Variants in HMGCLL1 observed in about 807,000 individuals in gnomAD.
HMGCLL1 encodes the protein 3-hydroxymethyl-3-methylglutaryl-CoA lyase, cytoplasmic.
HMGCLL1 carries 36 observed loss-of-function variants against 39.1 expected under a neutral mutation model. The ratio of observed to expected loss-of-function variants is 0.92; its 90% confidence interval spans 0.71 to 1.22. The LOEUF (loss-of-function observed/expected upper bound fraction) is 1.22, where lower values mean the gene tolerates loss of function less well. Ranked by LOEUF, HMGCLL1 falls within the 50% of genes most tolerant of loss-of-function variation. HMGCLL1 has a pLI of 0.00. For synonymous variants in HMGCLL1, 149 were observed against 144.0 expected (o/e 1.03, Z -0.25); for missense variants, 451 against 416.5 (o/e 1.08, Z -0.72).
At chr6:55,441,082 GGAGA>G (rs74271456) in intron 7 of HMGCLL1, among the ~76,000 whole-genome samples, 34,671 of 151,928 alleles carry the variant, frequency 0.23, 4,647 homozygotes, top group Middle Eastern at 0.33. Flanking sequence ...ATGCAATGCA[GGAGA>G]GAGAGACTGT....
intron 1 of HMGCLL1, chr6:55,566,716 T>C (rs1294350841): frequency 1.8e-5 from 8 of 448,906 alleles, no homozygotes; most frequent in Middle Eastern, 3.3e-4. Flanking sequence ...AAATGAAAAG[T>C]TGGAATCTAA....
the HMGCLL1 span, among the ~76,000 whole-genome samples, chr6:55,655,665 C>T: frequency 6.6e-6 from 1 of 151,886 alleles, no homozygotes; most frequent in Non-Finnish European, 1.5e-5. Flanking sequence ...CTTAATTACC[C>T]CATTTGTTCC....
At chr6:55,464,733 A>G (rs909417758) in intron 7 of HMGCLL1, among the ~76,000 whole-genome samples, 1 of 152,086 alleles carries the variant, frequency 6.6e-6, no homozygotes, top group African/African-American at 2.4e-5. Flanking sequence ...TTTTGGAATT[A>G]CGTGTTTGCT....
chr6:55,477,784 A>T (rs1765535571), intron 7 of HMGCLL1, among the ~76,000 whole-genome samples: 1 of 150,326 alleles, frequency 6.7e-6, no homozygotes, highest in African/African-American at 2.5e-5. Context: ...CTGTGATGTT[A>T]CATTTTTATA....
At chr6:55,622,657 T>C in the HMGCLL1 span, among the ~76,000 whole-genome samples, 1 of 152,204 alleles carries the variant, frequency 6.6e-6, no homozygotes, top group Admixed American at 6.5e-5. Flanking sequence ...TAAATTTAGT[T>C]TGCTACTGTT....
intron 1 of HMGCLL1, among the ~76,000 whole-genome samples, chr6:55,547,712 G>T (rs1185684444): frequency 6.6e-6 from 1 of 151,924 alleles, no homozygotes; most frequent in Non-Finnish European, 1.5e-5. Context: ...TTTTAAGGGG[G>T]CATTAGAGAT....
At position 55,545,169 on chromosome 6, in the gene HMGCLL1, T is replaced by C. The variant is rs371829873; in HGVS notation, c.109-3029A>G. ...TTTCAACAACAATTAGCTTGGCACA[T>C]ACATGGCAGAAGAGTTTTCTTTTAC... On this transcript the variant is annotated intron_variant, in intron 1 of 8. Transcript: ENST00000274901. Among the ~76,000 whole-genome samples the C allele has an allele frequency of 7.1e-5, 10 of 141,432 alleles. No homozygotes were observed. The East Asian group carries it at 2.1e-3, about 30-fold the overall frequency. 92.8% of individuals were successfully genotyped at this position (141,432 alleles called of 152,430 possible). A position where few individuals can be genotyped will look rare whatever the true frequency, so the allele number is the denominator to read the frequency against.
chr6:55,464,483 C>T (rs1016692082), intron 7 of HMGCLL1, among the ~76,000 whole-genome samples: 3 of 152,096 alleles, frequency 2.0e-5, no homozygotes, highest in Non-Finnish European at 4.4e-5. Context: ...AACCTACTAC[C>T]AAGTTCTCCA....
At chr6:55,675,746 TTG>T in the HMGCLL1 span, among the ~76,000 whole-genome samples, 1 of 152,104 alleles carries the variant, frequency 6.6e-6, no homozygotes, top group African/African-American at 2.4e-5. Context: ...ACATCACTCT[TTG>T]TGTGTGTGTG....
chr6:55,563,678 T>C (rs998195638), intron 1 of HMGCLL1: 3 of 313,180 alleles, frequency 9.6e-6, no homozygotes, highest in South Asian at 8.6e-5. Context: ...GTTTGAATAA[T>C]CAAAGAACCT....
At chr6:55,552,574 T>C (rs1037156288) in intron 1 of HMGCLL1, among the ~76,000 whole-genome samples, 1 of 152,052 alleles carries the variant, frequency 6.6e-6, no homozygotes, top group African/African-American at 2.4e-5. Flanking sequence ...TAAAGCCACA[T>C]ATAGTGCTGT....
intron 7 of HMGCLL1, among the ~76,000 whole-genome samples, chr6:55,460,580 T>C (rs184277743): frequency 8.7e-4 from 132 of 152,040 alleles, no homozygotes; most frequent in African/African-American, 3.0e-3. Flanking sequence ...TCTAAATATT[T>C]TGTAAGTCAT....
intron 1 of HMGCLL1, among the ~76,000 whole-genome samples, chr6:55,563,231 A>T (rs1771041949): frequency 6.6e-6 from 1 of 152,146 alleles, no homozygotes; most frequent in African/African-American, 2.4e-5. Context: ...ATAACTAAGA[A>T]ATTATAAATT....
chr6:55,554,961 TC>T (rs1770568939), intron 1 of HMGCLL1, among the ~76,000 whole-genome samples: 5 of 152,176 alleles, frequency 3.3e-5, no homozygotes, highest in African/African-American at 1.2e-4. Flanking sequence ...ATAAGCAATC[TC>T]TCTACTTCCA....
At chr6:55,574,529 A>G (rs1771671660) in intron 1 of HMGCLL1, among the ~76,000 whole-genome samples, 1 of 151,536 alleles carries the variant, frequency 6.6e-6, no homozygotes, top group Non-Finnish European at 1.5e-5. Flanking sequence ...AAAAAAAAGT[A>G]TATCACTAAC....
the HMGCLL1 span, among the ~76,000 whole-genome samples, chr6:55,593,893 A>T: frequency 2.0e-5 from 3 of 152,190 alleles, no homozygotes; most frequent in Non-Finnish European, 4.4e-5. Context: ...AAATTACTTG[A>T]CTAAAGTCAC....
chr6:55,642,349 A>G, the HMGCLL1 span, among the ~76,000 whole-genome samples: 4 of 151,850 alleles, frequency 2.6e-5, no homozygotes, highest in Non-Finnish European at 5.9e-5. Context: ...TGCTATTGTG[A>G]ATAATGCCGC....
chr6:55,557,567 C>G (rs1770739223), intron 1 of HMGCLL1, among the ~76,000 whole-genome samples: 1 of 152,070 alleles, frequency 6.6e-6, no homozygotes, highest in Non-Finnish European at 1.5e-5. Context: ...GAGGTTACTA[C>G]CGGCTTTATT....
the HMGCLL1 span, among the ~76,000 whole-genome samples, chr6:55,664,534 A>G: frequency 6.6e-6 from 1 of 151,766 alleles, no homozygotes; most frequent in Non-Finnish European, 1.5e-5. Context: ...AGTATAAAGT[A>G]AAATCCTATT....
Sources: gnomAD v4.1 joint callset for allele counts (sites outside exome capture counted in the v4.1 genomes callset) on GRCh38, gnomAD v4.1.1 for gene constraint, MANE v1.5 for transcripts, NCBI Gene and HGNC (gene_info 2026-07-23, HGNC 2026-07-21) for gene names.